KCNIP4: variants seen among roughly 807,000 people sequenced by gnomAD.
KCNIP4 encodes the protein potassium voltage-gated channel interacting protein 4, also known as Kv channel-interacting protein 4.
KCNIP4 carries 12 observed loss-of-function variants against 34.0 expected under a neutral mutation model. That is an observed-to-expected ratio of 0.35 (90% CI 0.23 to 0.57). The LOEUF (loss-of-function observed/expected upper bound fraction) is 0.57, where lower values mean the gene tolerates loss of function less well. KCNIP4 is among the 20% of genes least tolerant of loss of function. KCNIP4 has a pLI of 0.83. For missense variants in KCNIP4, 238 were observed against 311.7 expected, an observed-to-expected ratio of 0.76 and a Z score of 1.78; for synonymous variants, 124 against 102.2, an observed-to-expected ratio of 1.21 and a Z score of -1.29.
At chr4:21,057,498 A>AT (rs1221531194) in intron 1 of KCNIP4, among the ~76,000 whole-genome samples, 4 of 152,070 alleles carry the variant, frequency 2.6e-5, no homozygotes, top group African/African-American at 9.7e-5. Flanking sequence ...GATTACCTCA[A>AT]TTTTTTCCCA....
At chr4:21,546,449 G>C (rs1201740058) in intron 1 of KCNIP4, among the ~76,000 whole-genome samples, 2 of 152,144 alleles carry the variant, frequency 1.3e-5, no homozygotes, top group African/African-American at 4.8e-5. Flanking sequence ...AAGACAGATA[G>C]ATGTAATTCG....
chr4:21,458,859 T>C (rs531407168), intron 1 of KCNIP4, among the ~76,000 whole-genome samples: 3 of 152,126 alleles, frequency 2.0e-5, no homozygotes, highest in South Asian at 2.1e-4. Flanking sequence ...GAGATTTTCA[T>C]GTACCTGTAT....
At chr4:21,815,714 A>T (rs1217515382) in intron 1 of KCNIP4, among the ~76,000 whole-genome samples, 2 of 152,268 alleles carry the variant, frequency 1.3e-5, no homozygotes, top group East Asian at 3.9e-4. Context: ...CATTCTCATA[A>T]AAGTACTGCC....
chr4:21,754,330 CTTAT>C, intron 1 of KCNIP4, among the ~76,000 whole-genome samples: 1 of 152,232 alleles, frequency 6.6e-6, no homozygotes, highest in Non-Finnish European at 1.5e-5. Context: ...CCGGACCAAG[CTTAT>C]TTATTTATTA....
chr4:21,259,634 T>C (rs1385934902), intron 1 of KCNIP4, among the ~76,000 whole-genome samples: 1 of 152,200 alleles, frequency 6.6e-6, no homozygotes, highest in Non-Finnish European at 1.5e-5. Flanking sequence ...ATTTTGAGCA[T>C]GATGGATACA....
intron 1 of KCNIP4, among the ~76,000 whole-genome samples, chr4:21,156,996 G>A (rs974027098): frequency 5.9e-5 from 9 of 152,030 alleles, no homozygotes; most frequent in Admixed American, 2.0e-4. Flanking sequence ...TTTTCTCATT[G>A]GCACAATAAT....
At chr4:21,664,306 A>T (rs1748671137) in intron 1 of KCNIP4, among the ~76,000 whole-genome samples, 1 of 152,128 alleles carries the variant, frequency 6.6e-6, no homozygotes, top group Admixed American at 6.6e-5. Flanking sequence ...TCTGTGAACT[A>T]GTCACATTTA....
intron 1 of KCNIP4, among the ~76,000 whole-genome samples, chr4:20,903,353 A>T (rs1727377415): frequency 6.6e-6 from 1 of 152,154 alleles, no homozygotes; most frequent in Admixed American, 6.5e-5. Flanking sequence ...GTCATATATT[A>T]CTGCATATTT....
chr4:21,341,314 AACACTGGTTCTAAATG>A (rs1273037484), intron 1 of KCNIP4, among the ~76,000 whole-genome samples: 1 of 152,106 alleles, frequency 6.6e-6, no homozygotes, highest in African/African-American at 2.4e-5. Context: ...CTAGGAAACT[AACACTGGTTCTAAATG>A]ACAAATTGAC....
chr4:21,020,132 T>C (rs761055541), intron 1 of KCNIP4, among the ~76,000 whole-genome samples: 4 of 152,202 alleles, frequency 2.6e-5, no homozygotes, highest in African/African-American at 9.6e-5. Context: ...ATAATACTTA[T>C]CTAGCCCTTA....
chr4:20,994,734 G>A (rs573128454), intron 1 of KCNIP4, among the ~76,000 whole-genome samples: 4 of 152,272 alleles, frequency 2.6e-5, no homozygotes, highest in African/African-American at 9.6e-5. Context: ...AAAGGCATTC[G>A]CATGTTATCA....
At chr4:20,999,888 C>G (rs1737946562) in intron 1 of KCNIP4, among the ~76,000 whole-genome samples, 1 of 152,046 alleles carries the variant, frequency 6.6e-6, no homozygotes, top group Admixed American at 6.5e-5. Context: ...AAGAAGGAAA[C>G]AGAACATGCA....
chr4:21,638,524 C>CGA (rs1351583302), intron 1 of KCNIP4, among the ~76,000 whole-genome samples: 12 of 152,144 alleles, frequency 7.9e-5, no homozygotes, highest in Non-Finnish European at 1.8e-4. Context: ...GGTGGGAGCT[C>CGA]TACCTTTACA....
intron 1 of KCNIP4, among the ~76,000 whole-genome samples, chr4:21,258,514 A>G (rs1296112711): frequency 6.6e-6 from 1 of 152,222 alleles, no homozygotes; most frequent in Non-Finnish European, 1.5e-5. Context: ...GAGGCAGATT[A>G]TAACCTAAAG....
intron 8 of KCNIP4, chr4:20,731,266 G>T (rs1300868614): frequency 5.4e-6 from 2 of 373,202 alleles, no homozygotes; most frequent in Non-Finnish European, 7.4e-6. Context: ...GATAGATAGG[G>T]TCTTGCTATG....
chr4:21,846,758 C>G (rs11729505), intron 1 of KCNIP4: 152,236 of 152,250 alleles, frequency 1, 76,111 homozygotes, highest in Non-Finnish European at 1. Context: ...AAGGGCTCCA[C>G]CTGTCCTGGG....
At chr4:21,284,161 C>T (rs1762956420) in intron 1 of KCNIP4, among the ~76,000 whole-genome samples, 2 of 150,570 alleles carry the variant, frequency 1.3e-5, no homozygotes, top group East Asian at 2.0e-4. Flanking sequence ...TGCAGTGAGC[C>T]GAGATTGCAC....
At chr4:21,695,153 T>C (rs545735316) in intron 1 of KCNIP4, among the ~76,000 whole-genome samples, 1 of 152,220 alleles carries the variant, frequency 6.6e-6, no homozygotes, top group African/African-American at 2.4e-5. Flanking sequence ...GACTTGAAAG[T>C]GTCCTAATGA....
chr4:21,101,743 C>A lies in KCNIP4; in HGVS notation c.62-219034G>T, dbSNP rs182548532. Among the ~76,000 whole-genome samples, 46 of 152,144 alleles carry A rather than the reference C, an allele frequency of 3.0e-4. 1 individual carries two copies. In the East Asian group the frequency reaches 6.0e-3, roughly 20 times the overall value. On this transcript the variant is annotated intron_variant, in intron 1 of 8. Coordinates refer to ENST00000382152, the MANE Select transcript of KCNIP4 (RefSeq NM_025221.6). ...GTATATAAATTTTATTGCAGTAAAG[C>A]TATTAAAAACAAATGGCATACACTA...
Sources: allele counts gnomAD v4.1 joint callset (sites outside exome capture counted in the v4.1 genomes callset), GRCh38; gene constraint gnomAD v4.1.1; transcripts MANE v1.5; gene names NCBI Gene and HGNC (gene_info 2026-07-23, HGNC 2026-07-21).